The following CYP4F3 variants were observed in gnomAD, a reference collection of about 807,000 sequenced individuals.
CYP4F3 encodes the protein cytochrome P450 4F3.
A neutral mutation model predicts 54.8 loss-of-function variants in CYP4F3; 50 were observed. That is an observed-to-expected ratio of 0.91 (90% CI 0.73 to 1.16). CYP4F3 has a LOEUF of 1.16. Ranked by LOEUF, CYP4F3 falls within the 50% of genes most tolerant of loss-of-function variation. The pLI is 0.00. For synonymous variants in CYP4F3, 244 were observed against 262.6 expected, an observed-to-expected ratio of 0.93 and a Z score of 0.69; for missense variants, 715 against 676.2, an observed-to-expected ratio of 1.06 and a Z score of -0.64.
In CYP4F3 at chr19:15,660,155, AG is replaced by A. The variant is rs1471070801; in HGVS notation, c.*771del. On this transcript the variant is annotated 3_prime_UTR_variant, in exon 13 of 13. Transcript: ENST00000221307. ...TGTGTTCTTCAAAATGTGCATGTTA[AG>A]TATTCAAATCAGTCTTAAATTTTTA... 2 of 152,228 alleles carry A rather than the reference AG, an allele frequency of 1.3e-5. No individual in the cohort carries two copies. Among genetic ancestry groups the A allele is most frequent in the African/African-American group, 4.8e-5 (2 of 41,450 alleles). The allele number at this position is 152,228 out of a possible 1,614,324, so 9.4% of individuals were successfully genotyped here.
intron 1 of CYP4F3, chr19:15,641,205 T>C (rs1972451762): frequency 1.7e-6 from 1 of 591,898 alleles, no homozygotes; most frequent in Non-Finnish European, 3.0e-6. Flanking sequence ...TCAATCTAAG[T>C]GCTTACCGGG....
chr19:15,645,815 G>C lies in CYP4F3; in HGVS notation c.295G>C (p.Val99Leu). 6.2e-7 allele frequency: 1 copy of C among 1,613,946 alleles called. No homozygotes were observed. The highest frequency in any genetic ancestry group is 8.5e-7 in the Non-Finnish European group (1 of 1,179,902). ...CWWVGPWHAI[V>L]RIFHPTYIKP... is the part of the protein sequence containing the mutation. The stretch of plus-strand genomic sequence containing the variant: ...GTGGGTGGGGCCCTGGCACGCAATC[G>C]TCCGCATCTTCCACCCCACCTACAT... The change falls in exon 3 of 13, where the codon GTC becomes CTC. Residue 99 changes from valine (V) to leucine (L), a missense_variant. Val to Leu is a conservative substitution (Grantham distance 32). Transcript: ENST00000221307.
intron 2 of CYP4F3, among the ~76,000 whole-genome samples, chr19:15,644,306 TGGAGGAACCCCCAAGCTTAA>T (rs1465439520): frequency 1.9e-4 from 29 of 152,284 alleles, no homozygotes; most frequent in Admixed American, 1.4e-3. Flanking sequence ...GGCCCTGTCC[TGGAGGAACCCCCAAGCTTAA>T]GGAGGTGGAT....
intron 2 of CYP4F3, 120 bp from the exon 3 acceptor site, chr19:15,645,599 G>A (rs1972599007): frequency 5.1e-6 from 7 of 1,359,600 alleles, no homozygotes; most frequent in South Asian, 1.4e-5. Context: ...GCTCAGCACT[G>A]AGAGGGAGAT....
rs374257337 is a variant in CYP4F3 at position 15,650,088 on chromosome 19, C to G, written c.823C>G (p.Arg275Gly). The G allele has an allele frequency of 1.9e-6, 3 of 1,614,190 alleles. No homozygotes were observed. Among genetic ancestry groups the G allele is most frequent in the East Asian group, 2.2e-5 (1 of 44,890 alleles). The change falls in exon 7 of 13, where the codon CGC becomes GGC. Residue 275 changes from arginine to glycine, a missense_variant. Arg to Gly is a moderately radical substitution (Grantham distance 125). Coordinates refer to ENST00000221307, the MANE Select transcript of CYP4F3 (RefSeq NM_000896.3). ...DFTDAVIQER[R>G]RTLPSQGVDD... is the part of the protein sequence containing the mutation. ...CACAGATGCCGTCATCCAGGAGCGG[C>G]GCCGCACCCTCCCTAGCCAGGGTGT...
intron 5 of CYP4F3, among the ~76,000 whole-genome samples, chr19:15,648,881 G>C (rs1019490342): frequency 2.0e-5 from 3 of 152,190 alleles, no homozygotes. Context: ...ATATCTGACA[G>C]GTGGGATATA....
At chr19:15,653,180 G>A (rs1972910796) in intron 9 of CYP4F3, among the ~76,000 whole-genome samples, 1 of 152,138 alleles carries the variant, frequency 6.6e-6, no homozygotes, top group South Asian at 2.1e-4. Flanking sequence ...TTGATGATAT[G>A]TGAGGACAGA....
At chr19:15,648,699 G>T (rs1188099492) in intron 5 of CYP4F3, among the ~76,000 whole-genome samples, 1 of 152,172 alleles carries the variant, frequency 6.6e-6, no homozygotes, top group Non-Finnish European at 1.5e-5. Flanking sequence ...TAACAACTCT[G>T]CAAAGGAGAG....
chr19:15,655,659 C>G (rs1201102100), intron 9 of CYP4F3, among the ~76,000 whole-genome samples: 1 of 152,190 alleles, frequency 6.6e-6, no homozygotes, highest in Non-Finnish European at 1.5e-5. Context: ...TATATGAACA[C>G]TTACTGTGCT....
chr19:15,661,324 CA>C lies in CYP4F3; in HGVS notation c.*1940del, dbSNP rs1211532112. The C allele has an allele frequency of 6.6e-6, 1 of 152,108 alleles. No homozygotes were observed. The highest frequency in any genetic ancestry group is 1.5e-5 in the Non-Finnish European group (1 of 68,030). The allele number at this position is 152,108 out of a possible 1,614,324, so 9.4% of individuals were successfully genotyped here. ...AAAAACAAAACAAAACAAAACAAAACACTGCCAAACTGTTTCCAAAGCATCT... is the reference window on the plus strand; with the variant it reads ...AAAAACAAAACAAAACAAAACAAAACCTGCCAAACTGTTTCCAAAGCATCT... On this transcript the variant is annotated 3_prime_UTR_variant, in exon 13 of 13. Coordinates refer to ENST00000221307, the MANE Select transcript of CYP4F3 (RefSeq NM_000896.3).
At chr19:15,658,670 C>A in intron 11 of CYP4F3, 57 bp from the exon 12 acceptor site, 1 of 1,610,740 alleles carries the variant, frequency 6.2e-7, no homozygotes, top group Non-Finnish European at 8.5e-7. Context: ...CACTGTCTCT[C>A]CAAGGCTGGC....
At chr19:15,650,738 TTTCCTTCCTTCCA>T (rs1568398042) in intron 7 of CYP4F3, among the ~76,000 whole-genome samples, 16 of 45,976 alleles carry the variant, frequency 3.5e-4, no homozygotes, top group East Asian at 3.0e-3. Flanking sequence ...CTTTCTTTCT[TTTCCTTCCTTCCA>T]TCTTTCTTTC....
intron 9 of CYP4F3, among the ~76,000 whole-genome samples, chr19:15,657,572 AGCC>A (rs1973060357): frequency 6.6e-6 from 1 of 152,220 alleles, no homozygotes; most frequent in South Asian, 2.1e-4. Flanking sequence ...TACAGGCATG[AGCC>A]ACCATACAAT....
At chr19:15,653,865 G>A (rs2144665599) in intron 9 of CYP4F3, among the ~76,000 whole-genome samples, 1 of 152,200 alleles carries the variant, frequency 6.6e-6, no homozygotes, top group Admixed American at 6.5e-5. Context: ...ACTGGAGATG[G>A]TAGCAGGGGC....
Position 15,647,034 on chromosome 19 carries a change from T to A in CYP4F3, c.344-18T>A, listed in dbSNP as rs191366316. On this transcript the variant is annotated intron_variant, in intron 3 of 12. Transcript: ENST00000221307. ...TTCACCTGCCTCCATGGCCCCTGAT[T>A]GTCCTCATTTATGTCAGCTGCCATT... The A allele has an allele frequency of 6.2e-7, 1 of 1,613,998 alleles. No homozygotes were observed. The highest frequency in any genetic ancestry group is 2.2e-5 in the East Asian group (1 of 44,878).
chr19:15,645,310 A>T (rs1182837621), intron 2 of CYP4F3, among the ~76,000 whole-genome samples: 1 of 152,158 alleles, frequency 6.6e-6, no homozygotes, highest in Non-Finnish European at 1.5e-5. Context: ...TGGGCCTTCT[A>T]GAGCTACTGT....
chr19:15,652,585 AGTT>A lies in CYP4F3; in HGVS notation c.938_940del (p.Leu313del), dbSNP rs1209513998. Reference sequence around the variant, plus strand: ...TCTCTCCAGGATGAAGATGGGAAGAAGTTGTCCGATGAGGACATAAGAGCAGAA... The same window carrying A: ...TCTCTCCAGGATGAAGATGGGAAGAAGTCCGATGAGGACATAAGAGCAGAA... On this transcript the variant is annotated inframe_deletion, in exon 8 of 13. Transcript: ENST00000221307. The A allele has an allele frequency of 6.2e-7, 1 of 1,614,062 alleles. No homozygotes were observed. The highest frequency in any genetic ancestry group is 8.5e-7 in the Non-Finnish European group (1 of 1,180,038).
chr19:15,646,163 C>T (rs1972619555), intron 3 of CYP4F3, among the ~76,000 whole-genome samples: 1 of 152,138 alleles, frequency 6.6e-6, no homozygotes, highest in South Asian at 2.1e-4. Flanking sequence ...ATATGTTATA[C>T]CCGGTTACAT....
chr19:15,650,314 G>A lies in CYP4F3; in HGVS notation c.918+131G>A, dbSNP rs1463010573. ...AGGTGATTGAGGAAGGGAGGGACAG[G>A]TCAGAGATAGGTTTTGGAGATAGCT... On this transcript the variant is annotated intron_variant, in intron 7 of 12. Transcript: ENST00000221307. The A allele has an allele frequency of 4.5e-6, 7 of 1,564,178 alleles. No homozygotes were observed. In the Admixed American group the frequency reaches 1.3e-4, roughly 29 times the overall value.
Sources: gnomAD v4.1 joint callset for allele counts (sites outside exome capture counted in the v4.1 genomes callset) on GRCh38, gnomAD v4.1.1 for gene constraint, MANE v1.5 for transcripts, NCBI Gene and HGNC (gene_info 2026-07-23, HGNC 2026-07-21) for gene names.